The following RBFOX3 variants were observed in gnomAD, a reference collection of about 807,000 sequenced individuals.
RBFOX3 encodes the protein RNA binding fox-1 homolog 3, also known as RNA binding protein fox-1 homolog 3.
A neutral mutation model predicts 48.7 loss-of-function variants in RBFOX3; 17 were observed. That is an observed-to-expected ratio of 0.35 (90% confidence interval 0.24 to 0.52). The LOEUF (loss-of-function observed/expected upper bound fraction) is 0.52. RBFOX3 is among the 20% of genes least tolerant of loss of function. RBFOX3 has a pLI of 0.94. For synonymous variants in RBFOX3, 212 were observed against 209.5 expected (o/e 1.01, Z -0.10); for missense variants, 382 against 497.5 (o/e 0.77, Z 2.21).
intron 2 of RBFOX3, among the ~76,000 whole-genome samples, chr17:79,310,137 C>T (rs547336761): frequency 1.1e-4 from 17 of 152,294 alleles, no homozygotes; most frequent in Admixed American, 2.6e-4. Context: ...ACCCCGGACG[C>T]GGTGTTCCAA....
rs1260323149 is a variant in RBFOX3, at chr17:79,364,768, G to A, written c.-174-56944C>T. Among the ~76,000 whole-genome samples, 1 of 152,154 alleles carries A rather than the reference G, an allele frequency of 6.6e-6. No individual in the cohort carries two copies. The highest frequency in any genetic ancestry group is 1.5e-5 in the Non-Finnish European group (1 of 68,022). On this transcript the variant is annotated intron_variant, in intron 2 of 14. Coordinates refer to ENST00000693108, the MANE Select transcript of RBFOX3 (RefSeq NM_001350451.2). The surrounding 1 kb of genome is among the most constrained non-coding windows in gnomAD (Gnocchi z 5.1). ...TAGCCCATCCAGCACAGCCTCCAGG[G>A]AGAGGACCCCGCAAAGCCCCAGGAT...
At chr17:79,263,853 C>T (rs2066213836) in intron 3 of RBFOX3, among the ~76,000 whole-genome samples, 1 of 152,126 alleles carries the variant, frequency 6.6e-6, no homozygotes, top group African/African-American at 2.4e-5. Context: ...AGGATCTTTG[C>T]AGATATGACT....
Position 79,535,728 on chromosome 17 carries a change from C to T in RBFOX3, c.-319-53130G>A, listed in dbSNP as rs567240491. Among the ~76,000 whole-genome samples the T allele has an allele frequency of 5.9e-5, 9 of 152,328 alleles. No individual in the cohort carries two copies. The South Asian group carries it at 6.2e-4, about 11-fold the overall frequency. On this transcript the variant is annotated intron_variant, in intron 1 of 14. Transcript: ENST00000693108. This position sits in a 1 kb window ranked among gnomAD's most constrained non-coding sequence, Gnocchi z 4.5. ...TCAATCGGACATAGGAATAACGTGT[C>T]CTCTGCACCCAGGAAGCCTGCAGCA...
intron 1 of RBFOX3, among the ~76,000 whole-genome samples, chr17:79,580,665 C>T: frequency 6.6e-6 from 1 of 152,134 alleles, no homozygotes; most frequent in East Asian, 1.9e-4. Flanking sequence ...ATGCTATGTT[C>T]CTATCATGGG....
intron 2 of RBFOX3, among the ~76,000 whole-genome samples, chr17:79,455,780 T>C (rs2074367220): frequency 6.6e-6 from 1 of 152,080 alleles, no homozygotes; most frequent in Admixed American, 6.5e-5. Flanking sequence ...AGAGCTGCTG[T>C]CACACGCACA....
chr17:79,456,608 G>A (rs898673340), intron 2 of RBFOX3, among the ~76,000 whole-genome samples: 1 of 152,028 alleles, frequency 6.6e-6, no homozygotes, highest in Non-Finnish European at 1.5e-5. Flanking sequence ...AATATTAATC[G>A]GTGAATTTCA....
Position 79,420,125 on chromosome 17 carries a change from TCATACACACACA to T in RBFOX3, c.-175+62317_-175+62328del, listed in dbSNP as rs57728215. Among the ~76,000 whole-genome samples the T allele has an allele frequency of 1.6e-4, 4 of 25,250 alleles. No homozygotes were observed. In the South Asian group the frequency reaches 3.1e-3, roughly 20 times the overall value. 16.6% of individuals were successfully genotyped at this position (25,250 alleles called of 152,430 possible). On this transcript the variant is annotated intron_variant, in intron 2 of 14. Transcript: ENST00000693108. ...CTGGGCAACAGAGCAAGACTCCGTC[TCATACACACACA>T]CACACACACACACACACACACACAC...
At chr17:79,497,515 C>T (rs939668750) in intron 1 of RBFOX3, among the ~76,000 whole-genome samples, 3 of 152,204 alleles carry the variant, frequency 2.0e-5, no homozygotes, top group Non-Finnish European at 4.4e-5. Context: ...AGACCTGCCT[C>T]GGTGAGTTTC....
the RBFOX3 span, among the ~76,000 whole-genome samples, chr17:79,623,421 A>G: frequency 6.6e-6 from 1 of 152,174 alleles, no homozygotes; most frequent in Non-Finnish European, 1.5e-5. Flanking sequence ...GGAGGAAGGA[A>G]GGTTCCAGAT....
intron 2 of RBFOX3, among the ~76,000 whole-genome samples, chr17:79,424,633 G>T (rs1204713745): frequency 4.0e-5 from 6 of 151,870 alleles, no homozygotes; most frequent in Non-Finnish European, 8.8e-5. Context: ...CCAAGGGCTC[G>T]GTCCAGCCCT....
intron 3 of RBFOX3, among the ~76,000 whole-genome samples, chr17:79,284,543 C>T (rs1369101444): frequency 2.9e-5 from 4 of 135,780 alleles, no homozygotes; most frequent in South Asian, 2.3e-4. Flanking sequence ...AAGAGACTCG[C>T]TTTTTTTTTT....
chr17:79,154,181 T>C (rs2144980898), intron 4 of RBFOX3, among the ~76,000 whole-genome samples: 1 of 151,316 alleles, frequency 6.6e-6, no homozygotes, highest in East Asian at 2.0e-4. Context: ...TGTGTTCAGT[T>C]CTTCGAACAC....
At chr17:79,100,731 C>T (rs1309798530) in intron 9 of RBFOX3, among the ~76,000 whole-genome samples, 1 of 152,218 alleles carries the variant, frequency 6.6e-6, no homozygotes, top group East Asian at 1.9e-4. Context: ...AGCGGAGGCC[C>T]CCAACGTACG....
At chr17:79,349,618 T>G (rs1173171542) in intron 2 of RBFOX3, among the ~76,000 whole-genome samples, 4 of 152,124 alleles carry the variant, frequency 2.6e-5, no homozygotes, top group Non-Finnish European at 5.9e-5. Context: ...GACTCCAGTC[T>G]GATGTCTGGT....
Position 79,363,866 on chromosome 17 carries a change from G to A in RBFOX3, c.-174-56042C>T, listed in dbSNP as rs1342294756. ...TCCACTGCACTGGGATAAAGCAGAC[G>A]ACGGGCTCCTGCAGCCCCTAACTCT... On this transcript the variant is annotated intron_variant, in intron 2 of 14. Coordinates refer to ENST00000693108, the MANE Select transcript of RBFOX3 (RefSeq NM_001350451.2). The surrounding 1 kb of genome is among the most constrained non-coding windows in gnomAD (Gnocchi z 4.7). 1.3e-5 allele frequency among the ~76,000 whole-genome samples: 2 copies of A among 152,040 alleles called. No individual in the cohort carries two copies. Among genetic ancestry groups the A allele is most frequent in the Admixed American group, 6.6e-5 (1 of 15,256 alleles).
the RBFOX3 span, among the ~76,000 whole-genome samples, chr17:79,630,539 G>T: frequency 1.3e-5 from 2 of 152,152 alleles, no homozygotes; most frequent in Non-Finnish European, 2.9e-5. Flanking sequence ...CCGGTATCAG[G>T]ATGTTAGGGG....
At chr17:79,343,090 A>G (rs112012978) in intron 2 of RBFOX3, among the ~76,000 whole-genome samples, 19 of 152,272 alleles carry the variant, frequency 1.2e-4, no homozygotes, top group African/African-American at 4.3e-4. Flanking sequence ...GAAAACCCCA[A>G]TCAATAACAA....
chr17:79,353,158 G>T (rs72849650), intron 2 of RBFOX3, among the ~76,000 whole-genome samples: 1 of 152,178 alleles, frequency 6.6e-6, no homozygotes, highest in Non-Finnish European at 1.5e-5. Flanking sequence ...GAACAACCTC[G>T]CCCTGAACAG....
In RBFOX3 at chr17:79,361,347, A is replaced by G. The variant is rs1487743375; in HGVS notation, c.-174-53523T>C. 1.3e-5 allele frequency among the ~76,000 whole-genome samples: 2 copies of G among 152,192 alleles called. No individual in the cohort carries two copies. The highest frequency in any genetic ancestry group is 1.9e-4 in the East Asian group (1 of 5,200). Reference sequence around the variant, plus strand: ...CGCTCATCGAGGTGCTTACCCGCTAACAGCTCTGTGCAGGTGGCATGAGCT... The same window carrying G: ...CGCTCATCGAGGTGCTTACCCGCTAGCAGCTCTGTGCAGGTGGCATGAGCT... On this transcript the variant is annotated intron_variant, in intron 2 of 14. Coordinates refer to ENST00000693108, the MANE Select transcript of RBFOX3 (RefSeq NM_001350451.2). The surrounding 1 kb of genome is among the most constrained non-coding windows in gnomAD (Gnocchi z 4.5).
Sources: allele counts gnomAD v4.1 joint callset (sites outside exome capture counted in the v4.1 genomes callset), GRCh38; gene constraint gnomAD v4.1.1; non-coding constraint Gnocchi (gnomAD v3.1); transcripts MANE v1.5; gene names NCBI Gene and HGNC (gene_info 2026-07-23, HGNC 2026-07-21).